Variants in DEPDC5 observed in about 807,000 individuals in gnomAD.
The protein encoded by DEPDC5 is DEP domain containing 5, GATOR1 subcomplex subunit.
DEPDC5 carries 73 observed loss-of-function variants against 217.3 expected under a neutral mutation model. The observed-to-expected ratio is 0.34, with a 90% confidence interval of 0.28 to 0.41. The LOEUF is 0.41. Among genes scored for constraint, DEPDC5 ranks in the 10% least tolerant of loss-of-function variants. DEPDC5 has a pLI of 1.00. For missense variants in DEPDC5, 1,675 were observed against 2,070.1 expected (o/e 0.81, Z 3.70); for synonymous variants, 733 against 756.7 (o/e 0.97, Z 0.51).
At chr22:31,821,694 G>A in intron 23 of DEPDC5, 57 bp downstream of exon 23, 1 of 1,591,940 alleles carries the variant, frequency 6.3e-7, no homozygotes, top group Non-Finnish European at 8.6e-7. Context: ...CAGCACCCAG[G>A]ACAATGTGCA....
chr22:31,864,829 C>T (rs11703818), intron 33 of DEPDC5, among the ~76,000 whole-genome samples: 22,324 of 151,952 alleles, frequency 0.15, 1,852 homozygotes, highest in African/African-American at 0.21. Flanking sequence ...GCTAGGACTA[C>T]AGGCATCTGC....
chr22:31,850,691 G>A (rs956284361), intron 31 of DEPDC5, among the ~76,000 whole-genome samples: 1 of 152,106 alleles, frequency 6.6e-6, no homozygotes, highest in Non-Finnish European at 1.5e-5. Flanking sequence ...TTGGGCAGAT[G>A]GCTTGAGCTC....
At chr22:31,785,226 A>G (rs1477972877) in intron 10 of DEPDC5, 1 of 170,590 alleles carries the variant, frequency 5.9e-6, no homozygotes, top group Non-Finnish European at 1.2e-5. Flanking sequence ...AAGTACAACT[A>G]TTTCTATTCA....
intron 38 of DEPDC5, among the ~76,000 whole-genome samples, chr22:31,892,936 C>T (rs1174493917): frequency 2.1e-5 from 3 of 142,288 alleles, no homozygotes; most frequent in Admixed American, 7.5e-5. Context: ...AGTGCAATGG[C>T]GCGATCTCGG....
chr22:31,862,132 C>T (rs1341897808), intron 33 of DEPDC5, among the ~76,000 whole-genome samples: 1 of 152,094 alleles, frequency 6.6e-6, no homozygotes. Flanking sequence ...ATCCCAGCTA[C>T]TCGGGAGGCT....
Position 31,874,412 on chromosome 22 carries a change from C to T in DEPDC5, c.3696+7C>T. The T allele has an allele frequency of 1.2e-6, 2 of 1,608,850 alleles. No homozygotes were observed. Among genetic ancestry groups the T allele is most frequent in the South Asian group, 1.1e-5 (1 of 89,968 alleles). ...GGCCATTGACATCATGCAGGTGAGA[C>T]AGCAAGAGGGGCCCATAGAGCTGTT... On this transcript the variant is annotated splice_region_variant and intron_variant, in intron 36 of 42. Transcript: ENST00000651528.
At chr22:31,778,697 T>C (rs2084129236) in intron 8 of DEPDC5, among the ~76,000 whole-genome samples, 1 of 152,136 alleles carries the variant, frequency 6.6e-6, no homozygotes, top group Non-Finnish European at 1.5e-5. Context: ...TGCCCACTCA[T>C]ACATAGCAAA....
rs1399929586 is a variant in DEPDC5 at position 31,907,963 on chromosome 22, C to G, written c.*1466C>G. On this transcript the variant is annotated 3_prime_UTR_variant, in exon 43 of 43. Transcript: ENST00000651528. The stretch of plus-strand genomic sequence containing the variant: ...TCTCTTAGATCCCCAGGAAAACCTT[C>G]TAATTTGTCTCTGCTTTCACTCCAC... The G allele has an allele frequency of 3.9e-5, 6 of 152,240 alleles. No homozygotes were observed. The highest frequency in any genetic ancestry group is 1.3e-4 in the Admixed American group (2 of 15,272). The allele number at this position is 152,240 out of a possible 1,614,324, so 9.4% of individuals were successfully genotyped here. A position where few individuals can be genotyped will look rare whatever the true frequency, so the allele number is the denominator to read the frequency against.
At chr22:31,882,763 T>G (rs1255110708) in intron 38 of DEPDC5, among the ~76,000 whole-genome samples, 1 of 152,084 alleles carries the variant, frequency 6.6e-6, no homozygotes, top group African/African-American at 2.4e-5. Context: ...ATTTTCTTGT[T>G]CCTTCTCTTC....
rs985260882 is a variant in DEPDC5 at position 31,792,242 on chromosome 22, G to A, written c.694+140G>A. 6.1e-6 allele frequency: 4 copies of A among 657,474 alleles called. No individual in the cohort carries two copies. The East Asian group carries it at 8.4e-5, about 14-fold the overall frequency. The allele number at this position is 657,474 out of a possible 1,614,324, so 40.7% of individuals were successfully genotyped here. On this transcript the variant is annotated intron_variant, in intron 11 of 42. Transcript: ENST00000651528. Reference sequence around the variant, plus strand: ...TCTGTTATGGGGACAGTGTAAAAGGGAAAGTAGCACAGTCCGTTAGTGGAT... The same window carrying A: ...TCTGTTATGGGGACAGTGTAAAAGGAAAAGTAGCACAGTCCGTTAGTGGAT...
intron 7 of DEPDC5, among the ~76,000 whole-genome samples, chr22:31,772,668 C>T (rs1364597382): frequency 6.6e-6 from 1 of 152,008 alleles, no homozygotes; most frequent in Non-Finnish European, 1.5e-5. Flanking sequence ...AGGAGATAGG[C>T]GAGAATTGGC....
Position 31,768,819 on chromosome 22 carries a change from C to A in DEPDC5, c.369C>A (p.Ser123Arg). Residue 123 changes from serine to arginine, a missense_variant, in exon 7 of 43, where the codon AGC (serine) becomes AGA (arginine). Coordinates refer to ENST00000651528, the MANE Select transcript of DEPDC5 (RefSeq NM_001242896.3). ...DMWRLKKSLV[S>R]TCAYITQKVE... ...CTCTCTCCCCCTCCTCTTAGGTCAG[C>A]ACATGTGCCTATATCACCCAGAAGG... 16 of 1,613,668 alleles carry A rather than the reference C, an allele frequency of 9.9e-6. No individual in the cohort carries two copies. The highest frequency in any genetic ancestry group is 1.4e-5 in the Non-Finnish European group (16 of 1,179,814).
chr22:31,856,381 C>G (rs1314002869), intron 31 of DEPDC5, among the ~76,000 whole-genome samples: 1 of 152,084 alleles, frequency 6.6e-6, no homozygotes, highest in Non-Finnish European at 1.5e-5. Flanking sequence ...GGGGCTGGGA[C>G]CTGCCTCGCA....
intron 33 of DEPDC5, among the ~76,000 whole-genome samples, chr22:31,869,299 A>G (rs2092773482): frequency 6.6e-6 from 1 of 152,020 alleles, no homozygotes; most frequent in South Asian, 2.1e-4. Context: ...AGCTACCAGA[A>G]GCTCATAGAG....
intron 29 of DEPDC5, 115 bp from the exon 30 acceptor site, chr22:31,844,903 C>T: frequency 9.7e-7 from 1 of 1,035,032 alleles, no homozygotes; most frequent in Non-Finnish European, 1.5e-6. Context: ...ATCAAATGAG[C>T]ACATACTCAT....
intron 38 of DEPDC5, among the ~76,000 whole-genome samples, chr22:31,882,927 TCTTC>T (rs1274042020): frequency 1.3e-5 from 2 of 152,174 alleles, no homozygotes; most frequent in Non-Finnish European, 2.9e-5. Context: ...CCCGGCCTGT[TCTTC>T]CTTTTCTTGA....
At chr22:31,756,103 G>T (rs1286004330) in intron 2 of DEPDC5, among the ~76,000 whole-genome samples, 2 of 146,486 alleles carry the variant, frequency 1.4e-5, no homozygotes, top group Non-Finnish European at 3.0e-5. Flanking sequence ...GGCTGGTCTC[G>T]AACTCCTGAG....
chr22:31,757,969 C>T (rs918341801), intron 2 of DEPDC5, among the ~76,000 whole-genome samples: 6 of 151,898 alleles, frequency 4.0e-5, no homozygotes, highest in East Asian at 1.9e-4. Flanking sequence ...TCGCCATGTT[C>T]GCCAGGCTGG....
intron 38 of DEPDC5, among the ~76,000 whole-genome samples, chr22:31,886,330 C>T (rs1360357239): frequency 6.6e-6 from 1 of 152,174 alleles, no homozygotes; most frequent in African/African-American, 2.4e-5. Flanking sequence ...TTGACAGTTT[C>T]TATAGGAATA....
Sources: allele counts gnomAD v4.1 joint callset (sites outside exome capture counted in the v4.1 genomes callset), GRCh38; gene constraint gnomAD v4.1.1; transcripts MANE v1.5; gene names NCBI Gene and HGNC (gene_info 2026-07-23, HGNC 2026-07-21).